Variants in GPR176 observed in about 807,000 individuals in gnomAD.
GPR176 encodes G protein-coupled receptor 176, also known as G-protein coupled receptor 176.
GPR176 carries 26 observed loss-of-function variants against 35.4 expected under a neutral mutation model. The observed-to-expected ratio is 0.74, with a 90% CI of 0.54 to 1.02. GPR176 has a LOEUF of 1.02. Ranked by LOEUF, GPR176 falls within the 50% of genes least tolerant of loss-of-function variation. The probability of loss-of-function intolerance (pLI) is 0.00; values close to 1 mark genes in which losing one functional copy is unlikely to be tolerated. For synonymous variants in GPR176, 278 were observed against 271.3 expected (o/e 1.02, Z -0.24); for missense variants, 597 against 665.3 (o/e 0.90, Z 1.13).
intron 1 of GPR176, among the ~76,000 whole-genome samples, chr15:39,817,754 T>C (rs926835945): frequency 1.3e-5 from 2 of 152,146 alleles, no homozygotes; most frequent in African/African-American, 2.4e-5. Flanking sequence ...CTCCTCAGCG[T>C]AGAGAAGTCA....
chr15:39,873,053 C>A (rs1041488372), intron 1 of GPR176, among the ~76,000 whole-genome samples: 1 of 151,658 alleles, frequency 6.6e-6, no homozygotes, highest in African/African-American at 2.4e-5. Context: ...AGCTAAAGAT[C>A]AGAGAAATGA....
At chr15:39,862,376 T>C (rs542523019) in intron 1 of GPR176, 2 of 152,330 alleles carry the variant, frequency 1.3e-5, no homozygotes, top group African/African-American at 2.4e-5. Context: ...AGCAGGCTTT[T>C]TGATGCATTT....
rs2033839888 is a variant in GPR176 at position 39,920,154 on chromosome 15, G to GGT, written c.-130_-129dup. ...CCTGGAGAAGCCGGAGCAGCCGACG[G>GGT]GTCCCCTCACGTCTCCACATCGCCA... is the stretch of plus-strand genomic sequence containing the variant. On this transcript the variant is annotated 5_prime_UTR_variant, in exon 1 of 3. Coordinates refer to ENST00000561100, the MANE Select transcript of GPR176 (RefSeq NM_007223.3). 1 of 590,550 alleles carries GGT rather than the reference G, an allele frequency of 1.7e-6. No homozygotes were observed. Among genetic ancestry groups the GGT allele is most frequent in the Non-Finnish European group, 2.5e-6 (1 of 395,870 alleles). The allele number at this position is 590,550 out of a possible 1,614,324, so 36.6% of individuals were successfully genotyped here.
chr15:39,867,769 G>A (rs868250491), intron 1 of GPR176, among the ~76,000 whole-genome samples: 2 of 152,142 alleles, frequency 1.3e-5, no homozygotes, highest in African/African-American at 2.4e-5. Context: ...AAAGAGTGAA[G>A]TGAGGAGTGG....
chr15:39,858,935 C>G (rs1595486638), intron 1 of GPR176, among the ~76,000 whole-genome samples: 1 of 151,858 alleles, frequency 6.6e-6, no homozygotes, highest in African/African-American at 2.4e-5. Flanking sequence ...TTAGTAGAGA[C>G]AGGGTTTCAC....
chr15:39,802,959 A>C lies in GPR176; in HGVS notation c.426-705T>G, dbSNP rs184289159. Among the ~76,000 whole-genome samples the C allele has an allele frequency of 3.1e-3, 468 of 152,378 alleles. 3 individuals carry two copies. Among genetic ancestry groups the C allele is most frequent in the African/African-American group, 0.011 (451 of 41,582 alleles). ...ATGCCTGCACAATTAGATTTTTGTTAAAATCAGATGAGACATTGTTTTTCC... is the reference window on the plus strand; with the variant it reads ...ATGCCTGCACAATTAGATTTTTGTTCAAATCAGATGAGACATTGTTTTTCC... On this transcript the variant is annotated intron_variant, in intron 2 of 2. Coordinates refer to ENST00000561100, the MANE Select transcript of GPR176 (RefSeq NM_007223.3).
intron 1 of GPR176, chr15:39,807,685 T>C: frequency 1.5e-6 from 1 of 675,156 alleles, no homozygotes; most frequent in Admixed American, 2.2e-5. Flanking sequence ...TAGCCATGTT[T>C]TAAAAAAGTA....
intron 1 of GPR176, among the ~76,000 whole-genome samples, chr15:39,861,492 T>C (rs1365266549): frequency 2.0e-5 from 3 of 151,208 alleles, no homozygotes; most frequent in Non-Finnish European, 2.9e-5. Context: ...GAGGTTGCAG[T>C]GCGCCAAGAT....
At chr15:39,829,194 C>T in intron 1 of GPR176, 1 of 1,530,484 alleles carries the variant, frequency 6.5e-7, no homozygotes, top group Non-Finnish European at 8.7e-7. Context: ...AGAGACAACA[C>T]CTCACAACGC....
At chr15:39,919,131 G>A (rs2140884450) in intron 1 of GPR176, among the ~76,000 whole-genome samples, 1 of 152,238 alleles carries the variant, frequency 6.6e-6, no homozygotes, top group Admixed American at 6.5e-5. Flanking sequence ...ACACTAGTAG[G>A]CTAATATTTT....
At chr15:39,882,580 T>C (rs537546775) in intron 1 of GPR176, among the ~76,000 whole-genome samples, 132 of 152,352 alleles carry the variant, frequency 8.7e-4, no homozygotes, top group African/African-American at 3.1e-3. Flanking sequence ...TAACCAGCTA[T>C]GTTTGCAGCA....
chr15:39,844,783 T>C (rs1258696232), intron 1 of GPR176, among the ~76,000 whole-genome samples: 1 of 152,066 alleles, frequency 6.6e-6, no homozygotes, highest in East Asian at 1.9e-4. Flanking sequence ...ACCACTTAAA[T>C]GTCCCCTCAA....
chr15:39,817,410 C>T (rs1452259677), intron 1 of GPR176, among the ~76,000 whole-genome samples: 1 of 152,092 alleles, frequency 6.6e-6, no homozygotes, highest in Admixed American at 6.5e-5. Context: ...ACACTTAAAT[C>T]CATATTGAAG....
chr15:39,896,199 C>T (rs758651648), intron 1 of GPR176, among the ~76,000 whole-genome samples: 8 of 152,062 alleles, frequency 5.3e-5, no homozygotes, highest in African/African-American at 9.7e-5. Flanking sequence ...GGACTACAGA[C>T]ATACATATGC....
chr15:39,846,580 G>A (rs2030443227), intron 1 of GPR176, among the ~76,000 whole-genome samples: 1 of 152,132 alleles, frequency 6.6e-6, no homozygotes, highest in African/African-American at 2.4e-5. Context: ...TTTGAAAATA[G>A]TAAGCACGAC....
chr15:39,915,374 A>G (rs904734827), intron 1 of GPR176, among the ~76,000 whole-genome samples: 6 of 152,128 alleles, frequency 3.9e-5, no homozygotes, highest in Non-Finnish European at 7.4e-5. Context: ...TGAGAACTCT[A>G]TCCTCATGAC....
intron 1 of GPR176, among the ~76,000 whole-genome samples, chr15:39,899,979 T>C (rs1175841392): frequency 6.6e-6 from 1 of 152,134 alleles, no homozygotes; most frequent in East Asian, 1.9e-4. Context: ...TTTTAAAAAT[T>C]ATAATTTAGA....
rs746182249 is a variant in GPR176, at chr15:39,801,331, G to T, written c.1349C>A (p.Ser450Tyr). The change falls in exon 3 of 3, where the codon TCC (serine) becomes TAC (tyrosine). Residue 450 changes from serine (S) to tyrosine (Y), a missense_variant. By Grantham distance (144) the Ser-to-Tyr change is moderately radical. This residue lies in a region of GPR176 where 251 missense variants were observed against 255.4 expected (regional missense o/e 0.98). Coordinates refer to ENST00000561100, the MANE Select transcript of GPR176 (RefSeq NM_007223.3). ...AAAAGGCCCAAAGCCAAACTGCAGG[G>T]AATACTTATCAGGGAATGTTTCAGG... Reference protein sequence around the residue: ...VEPETFPDKYSLQFGFGPFEL... With the variant: ...VEPETFPDKYYLQFGFGPFEL... The T allele has an allele frequency of 1.9e-6, 3 of 1,613,974 alleles. No individual in the cohort carries two copies. Among genetic ancestry groups the T allele is most frequent in the Admixed American group, 3.3e-5 (2 of 60,012 alleles).
rs1210261506 is a variant in GPR176, at chr15:39,800,960, G to A, written c.*172C>T. ...ATACATATACTCCCTCAATAAAGAGGACACTGGATTTTATGTAGATTTCCC... is the reference window on the plus strand; with the variant it reads ...ATACATATACTCCCTCAATAAAGAGAACACTGGATTTTATGTAGATTTCCC... On this transcript the variant is annotated 3_prime_UTR_variant, in exon 3 of 3. Transcript: ENST00000561100. The A allele has an allele frequency of 1.6e-6, 1 of 617,214 alleles. No homozygotes were observed. The highest frequency in any genetic ancestry group is 2.9e-5 in the Admixed American group (1 of 34,526). The allele number at this position is 617,214 out of a possible 1,614,324, so 38.2% of individuals were successfully genotyped here. A position where few individuals can be genotyped will look rare whatever the true frequency, so the allele number is the denominator to read the frequency against.
Sources: allele counts gnomAD v4.1 joint callset (sites outside exome capture counted in the v4.1 genomes callset), GRCh38; gene constraint gnomAD v4.1.1; regional missense constraint gnomAD v4.1.1; transcripts MANE v1.5; gene names NCBI Gene and HGNC (gene_info 2026-07-23, HGNC 2026-07-21).